Variants in ARHGEF11 observed in about 807,000 individuals in gnomAD.
ARHGEF11 encodes the protein Rho guanine exchange factor (GEF) 11.
A neutral mutation model predicts 193.7 loss-of-function variants in ARHGEF11; 55 were observed. The ratio of observed to expected loss-of-function variants is 0.28; its 90% CI spans 0.23 to 0.36. ARHGEF11 has a LOEUF of 0.36. Ranked by LOEUF, ARHGEF11 falls within the 10% of genes least tolerant of loss-of-function variation. The pLI is 1.00. For synonymous variants in ARHGEF11, 693 were observed against 768.0 expected (o/e 0.90, Z 1.62); for missense variants, 1,723 against 2,005.6 (o/e 0.86, Z 2.69).
rs751271060 is a variant in ARHGEF11, at chr1:156,977,009, G to C, written c.556C>G (p.Leu186Val). Residue 186 changes from leucine to valine, a missense_variant, in exon 7 of 41, where the codon CTG becomes GTG. By Grantham distance (32) the Leu-to-Val change is conservative (BLOSUM62 1). Coordinates refer to ENST00000368194, the MANE Select transcript of ARHGEF11 (RefSeq NM_198236.3). Reference sequence around the variant, plus strand: ...TGTAATTCTTTTTCTTCCTGCCTCAGCATATTCCTGAGGATCTGGGTGGCA... The same window carrying C: ...TGTAATTCTTTTTCTTCCTGCCTCACCATATTCCTGAGGATCTGGGTGGCA... ...KHATQILRNM[L>V]RQEEKELQRI... 4 of 1,614,058 alleles carry C rather than the reference G, an allele frequency of 2.5e-6. No homozygotes were observed. The South Asian group carries it at 3.3e-5, about 13-fold the overall frequency.
chr1:156,974,570 T>C (rs1254059487), intron 7 of ARHGEF11, among the ~76,000 whole-genome samples: 2 of 152,220 alleles, frequency 1.3e-5, no homozygotes, highest in Non-Finnish European at 2.9e-5. Flanking sequence ...TGGTCTCTAG[T>C]ATATTCACGG....
chr1:156,970,888 G>A (rs1662397392), intron 8 of ARHGEF11, among the ~76,000 whole-genome samples: 1 of 152,212 alleles, frequency 6.6e-6, no homozygotes, highest in Non-Finnish European at 1.5e-5. Flanking sequence ...GATGGTCTAA[G>A]TCCACAACCT....
chr1:157,036,021 CTATA>C (rs970958786), intron 1 of ARHGEF11, among the ~76,000 whole-genome samples: 8 of 110,686 alleles, frequency 7.2e-5, no homozygotes, highest in Non-Finnish European at 1.1e-4. Flanking sequence ...ATATATGAAT[CTATA>C]TATAGGAATA....
At chr1:157,017,807 C>G (rs1185572702) in intron 1 of ARHGEF11, among the ~76,000 whole-genome samples, 1 of 150,068 alleles carries the variant, frequency 6.7e-6, no homozygotes, top group Non-Finnish European at 1.5e-5. Flanking sequence ...AATCTAACAT[C>G]TGCTCCAAAG....
At chr1:157,023,360 T>C (rs1402610232) in intron 1 of ARHGEF11, among the ~76,000 whole-genome samples, 2 of 152,288 alleles carry the variant, frequency 1.3e-5, no homozygotes, top group African/African-American at 2.4e-5. Flanking sequence ...AACCAAGATA[T>C]ACAAATGACC....
intron 1 of ARHGEF11, among the ~76,000 whole-genome samples, chr1:157,003,532 T>A (rs148827926): frequency 5.3e-5 from 8 of 152,334 alleles, no homozygotes; most frequent in African/African-American, 1.9e-4. Context: ...TCAGAACAAC[T>A]ATGAAAATAT....
At chr1:156,969,977 A>G (rs530368751) in intron 9 of ARHGEF11, 21 bp downstream of exon 9, 1 of 1,613,380 alleles carries the variant, frequency 6.2e-7, no homozygotes, top group South Asian at 1.1e-5. Flanking sequence ...CCAGAGAAAA[A>G]AGGGGTGATG....
chr1:156,980,686 T>C (rs555602516), intron 3 of ARHGEF11, among the ~76,000 whole-genome samples, 200 bp from the exon 4 acceptor site: 2 of 152,280 alleles, frequency 1.3e-5, no homozygotes, highest in South Asian at 4.1e-4. Flanking sequence ...AGGTCCCATC[T>C]CCTGCTCTTC....
intron 22 of ARHGEF11, among the ~76,000 whole-genome samples, chr1:156,950,700 T>G (rs1028365358): frequency 6.6e-6 from 1 of 152,132 alleles, no homozygotes; most frequent in African/African-American, 2.4e-5. Context: ...CAAAATGGCT[T>G]GAATATCCAC....
At chr1:157,005,486 G>A (rs761013356) in intron 1 of ARHGEF11, among the ~76,000 whole-genome samples, 1 of 152,196 alleles carries the variant, frequency 6.6e-6, no homozygotes, top group African/African-American at 2.4e-5. Flanking sequence ...AGAACTGAAG[G>A]TTGTCAGGGC....
chr1:156,973,833 C>T (rs1300197880), intron 7 of ARHGEF11, among the ~76,000 whole-genome samples: 1 of 152,206 alleles, frequency 6.6e-6, no homozygotes, highest in Non-Finnish European at 1.5e-5. Context: ...TTTGCTCTTA[C>T]TCCTGCTGTT....
At chr1:157,000,866 G>C (rs1160803244) in intron 1 of ARHGEF11, among the ~76,000 whole-genome samples, 1 of 152,180 alleles carries the variant, frequency 6.6e-6, no homozygotes, top group Non-Finnish European at 1.5e-5. Flanking sequence ...GCAGAAGTGG[G>C]AGGCGGGCCA....
rs368695302 is a variant in ARHGEF11, at chr1:157,001,995, C to T, written c.33-15822G>A. ...TTTGGATTATGGTCTTAGTTCTAGG[C>T]CTTATATTTCTCCTAAGCAAAAAGT... On this transcript the variant is annotated intron_variant, in intron 1 of 40. Transcript: ENST00000368194. 3.1e-3 allele frequency among the ~76,000 whole-genome samples: 472 copies of T among 152,184 alleles called. 1 individual carries two copies. Among genetic ancestry groups the T allele is most frequent in the African/African-American group, 0.011 (453 of 41,530 alleles).
chr1:156,953,529 T>G (rs1022673400), intron 21 of ARHGEF11, among the ~76,000 whole-genome samples: 9 of 152,226 alleles, frequency 5.9e-5, no homozygotes, highest in Admixed American at 6.5e-5. Flanking sequence ...TTTACATTAA[T>G]TCCTTATTTT....
At chr1:156,981,035 CT>C (rs1664096233) in intron 3 of ARHGEF11, among the ~76,000 whole-genome samples, 1 of 151,868 alleles carries the variant, frequency 6.6e-6, no homozygotes, top group Non-Finnish European at 1.5e-5. Context: ...AGTTTCTCCC[CT>C]CCTTTTTTTT....
At chr1:157,025,054 G>C (rs988191177) in intron 1 of ARHGEF11, among the ~76,000 whole-genome samples, 2 of 152,218 alleles carry the variant, frequency 1.3e-5, no homozygotes, top group South Asian at 4.1e-4. Context: ...GTCTAGCACA[G>C]TGCAGGCACA....
upstream of ARHGEF11, among the ~76,000 whole-genome samples, chr1:157,046,837 C>T (rs552033636): frequency 9.3e-5 from 14 of 151,340 alleles, no homozygotes; most frequent in African/African-American, 3.2e-4. Context: ...TGGTGAAACC[C>T]CCCCCCTCTA....
At chr1:156,970,448 C>A (rs1046144085) in intron 8 of ARHGEF11, among the ~76,000 whole-genome samples, 1 of 152,236 alleles carries the variant, frequency 6.6e-6, no homozygotes, top group African/African-American at 2.4e-5. Context: ...CTGAGACTGA[C>A]TGAGCTAGTG....
At chr1:157,029,743 A>T (rs1221012291) in intron 1 of ARHGEF11, among the ~76,000 whole-genome samples, 1 of 152,236 alleles carries the variant, frequency 6.6e-6, no homozygotes, top group Non-Finnish European at 1.5e-5. Context: ...GAAAAAACCT[A>T]AATGTCCATG....
Sources: allele counts gnomAD v4.1 joint callset (sites outside exome capture counted in the v4.1 genomes callset), GRCh38; gene constraint gnomAD v4.1.1; transcripts MANE v1.5; gene names NCBI Gene and HGNC (gene_info 2026-07-23, HGNC 2026-07-21).